UBR4: variants seen among roughly 807,000 people sequenced by gnomAD.
UBR4 encodes the protein ubiquitin protein ligase E3 component n-recognin 4, also known as E3 ubiquitin-protein ligase UBR4.
In UBR4, 124 loss-of-function variants were observed where a neutral mutation model predicts 575.6. The ratio of observed to expected loss-of-function variants is 0.22; its 90% CI spans 0.19 to 0.25. The LOEUF is 0.25. Ranked by LOEUF, UBR4 falls within the 10% of genes least tolerant of loss-of-function variation. UBR4 has a pLI of 1.00. For synonymous variants in UBR4, 2,455 were observed against 2,473.7 expected, an observed-to-expected ratio of 0.99 and a Z score of 0.22; for missense variants, 4,818 against 6,478.8, an observed-to-expected ratio of 0.74 and a Z score of 8.80.
rs762284453 is a variant in UBR4 at position 19,076,862 on chromosome 1, G to C, written c.15365C>G (p.Ser5122Cys). Residue 5122 changes from serine (S) to cysteine (C), a missense_variant, in exon 105 of 106, where the codon TCT (serine) becomes TGT (cysteine). Coordinates refer to ENST00000375254, the MANE Select transcript of UBR4 (RefSeq NM_020765.3). The part of the protein sequence containing the change: ...TSNTEGGWSC[S>C]LAEYIRHNDM... ...GTTGTGGCGGATGTACTCAGCGAGAGAGCAGGACCAGCCTCCCTCTGTGTT... is the reference window on the plus strand; with the variant it reads ...GTTGTGGCGGATGTACTCAGCGAGACAGCAGGACCAGCCTCCCTCTGTGTT... The C allele has an allele frequency of 1.9e-6, 3 of 1,605,456 alleles. No individual in the cohort carries two copies. Among genetic ancestry groups the C allele is most frequent in the Non-Finnish European group, 2.6e-6 (3 of 1,176,094 alleles).
At chr1:19,150,815 T>G in intron 48 of UBR4, 22 bp from the exon 49 acceptor site, 1 of 1,611,288 alleles carries the variant, frequency 6.2e-7, no homozygotes, top group South Asian at 1.1e-5. Flanking sequence ...AAGAGAGGCC[T>G]TTAGGAAGCA....
chr1:19,171,961 C>A (rs1230782618), intron 25 of UBR4, among the ~76,000 whole-genome samples: 1 of 152,206 alleles, frequency 6.6e-6, no homozygotes, highest in African/African-American at 2.4e-5. Context: ...TAATTCTCAG[C>A]TCCAGTCTGT....
intron 70 of UBR4, among the ~76,000 whole-genome samples, chr1:19,119,333 C>G (rs929555333): frequency 6.6e-6 from 1 of 152,248 alleles, no homozygotes; most frequent in East Asian, 1.9e-4. Flanking sequence ...TCTTTCCCCA[C>G]CTGACCTTGA....
rs769158944 is a variant in UBR4 at position 19,112,715 on chromosome 1, G to T, written c.11610C>A (p.Thr3870=). The T allele has an allele frequency of 2.1e-5, 34 of 1,614,138 alleles. No individual in the cohort carries two copies. Among genetic ancestry groups the T allele is most frequent in the Non-Finnish European group, 2.6e-5 (31 of 1,180,052 alleles). ...SVLGCGHTSS[T]KCYGCASAVT... is the part of the protein sequence containing the mutation. ...CAGCCGAGGCGCAGCCATAGCACTTGGTGGAGGATGTGTGGCCACAGCCCA... is the reference window on the plus strand; with the variant it reads ...CAGCCGAGGCGCAGCCATAGCACTTTGTGGAGGATGTGTGGCCACAGCCCA... The change falls in exon 78 of 106, where the codon ACC becomes ACA. Residue 3870 remains threonine (T), a synonymous_variant. Coordinates refer to ENST00000375254, the MANE Select transcript of UBR4 (RefSeq NM_020765.3).
chr1:19,164,584 C>T (rs939698700), intron 32 of UBR4, 143 bp from the exon 33 acceptor site: 4 of 1,154,940 alleles, frequency 3.5e-6, no homozygotes, highest in Admixed American at 2.7e-5. Context: ...GAGCATAAAA[C>T]ATTCATTCAG....
intron 78 of UBR4, chr1:19,111,732 T>C (rs922328046): frequency 4.6e-5 from 7 of 152,216 alleles, no homozygotes; most frequent in Admixed American, 2.6e-4. Context: ...GCGATTCTCC[T>C]GTCTCAGCCT....
chr1:19,191,465 T>C (rs1260085616), intron 11 of UBR4, among the ~76,000 whole-genome samples: 1 of 152,118 alleles, frequency 6.6e-6, no homozygotes, highest in Admixed American at 6.6e-5. Context: ...AGGGAGACTA[T>C]GTCTCAAAAA....
chr1:19,083,978 GA>G (rs1286157816), intron 102 of UBR4, among the ~76,000 whole-genome samples: 1 of 152,192 alleles, frequency 6.6e-6, no homozygotes, highest in African/African-American at 2.4e-5. Flanking sequence ...ACACTTGCCA[GA>G]AGCATTACCC....
chr1:19,153,783 A>C lies in UBR4; in HGVS notation c.6615T>G (p.Leu2205=). 1 of 1,614,020 alleles carries C rather than the reference A, an allele frequency of 6.2e-7. No individual in the cohort carries two copies. Among genetic ancestry groups the C allele is most frequent in the African/African-American group, 1.3e-5 (1 of 75,068 alleles). ...TGGCACTGACCTTCGCTTTAGCAGG[A>C]AGAGTCTTAATCTCCTGGATAAGAA... ...DTFLIQEIKT[L]PAKAKIQDMV... is the part of the protein sequence containing the mutation. The change falls in exon 45 of 106, where the codon CTT becomes CTG. Residue 2205 remains leucine (L), a synonymous_variant. Transcript: ENST00000375254. This position sits in a 1 kb window ranked among gnomAD's most constrained non-coding sequence, Gnocchi z 4.1.
In UBR4 at chr1:19,093,821, T is replaced by A; in HGVS notation, c.13937+128A>T. On this transcript the variant is annotated intron_variant, in intron 95 of 105. Transcript: ENST00000375254. This position sits in a 1 kb window ranked among gnomAD's most constrained non-coding sequence, Gnocchi z 4.8. The stretch of plus-strand genomic sequence containing the variant: ...TATTCACTTCCCAACTAGACTGAGC[T>A]CCTTAAAAGCCAGAACGAGGACACA... 1 of 1,093,466 alleles carries A rather than the reference T, an allele frequency of 9.1e-7. No homozygotes were observed. Among genetic ancestry groups the A allele is most frequent in the Non-Finnish European group, 1.3e-6 (1 of 774,936 alleles). The allele number at this position is 1,093,466 out of a possible 1,614,324, so 67.7% of individuals were successfully genotyped here.
rs1050814983 is a variant in UBR4 at position 19,117,619 on chromosome 1, C to G, written c.10629+204G>C. Reference sequence around the variant, plus strand: ...TCAGGGGATCCTCCCATCTTAGCCTCCCAAAGTACTGGGATTATAGGCTTG... The same window carrying G: ...TCAGGGGATCCTCCCATCTTAGCCTGCCAAAGTACTGGGATTATAGGCTTG... On this transcript the variant is annotated intron_variant, in intron 72 of 105. Transcript: ENST00000375254. This position sits in a 1 kb window ranked among gnomAD's most constrained non-coding sequence, Gnocchi z 4.0. 1.3e-5 allele frequency among the ~76,000 whole-genome samples: 2 copies of G among 152,234 alleles called. No homozygotes were observed. The highest frequency in any genetic ancestry group is 1.3e-4 in the Admixed American group (2 of 15,290).
chr1:19,182,095 T>A (rs1459790522), intron 17 of UBR4, among the ~76,000 whole-genome samples: 2 of 152,214 alleles, frequency 1.3e-5, no homozygotes, highest in Non-Finnish European at 2.9e-5. Context: ...TAGTATCATG[T>A]CTTTACGGTT....
intron 52 of UBR4, 95 bp from the exon 53 acceptor site, chr1:19,146,028 G>A (rs2084815310): frequency 1.3e-6 from 2 of 1,599,008 alleles, no homozygotes; most frequent in Admixed American, 1.7e-5. Flanking sequence ...CTTGCCTGGG[G>A]AGGGAGTTTC....
intron 48 of UBR4, 74 bp downstream of exon 48, chr1:19,151,569 C>T (rs1405539299): frequency 6.8e-7 from 1 of 1,475,630 alleles, no homozygotes; most frequent in East Asian, 2.3e-5. Flanking sequence ...GAATGTTGGA[C>T]AGCCACAGGC....
intron 25 of UBR4, among the ~76,000 whole-genome samples, 188 bp downstream of exon 25, chr1:19,172,676 C>T (rs1398855268): frequency 6.6e-6 from 1 of 152,172 alleles, no homozygotes; most frequent in African/African-American, 2.4e-5. Flanking sequence ...AAACTTCCTC[C>T]TGACTCCTCC....
intron 64 of UBR4, 150 bp from the exon 65 acceptor site, chr1:19,124,840 T>A: frequency 3.8e-6 from 4 of 1,058,036 alleles, no homozygotes; most frequent in Non-Finnish European, 5.4e-6. Context: ...GACAGTTTAT[T>A]CTATAAACCC....
Position 19,184,037 on chromosome 1 carries a change from C to T in UBR4, c.2077G>A (p.Val693Met). The T allele has an allele frequency of 6.2e-7, 1 of 1,614,140 alleles. No individual in the cohort carries two copies. Among genetic ancestry groups the T allele is most frequent in the South Asian group, 1.1e-5 (1 of 91,078 alleles). Residue 693 changes from valine to methionine, a missense_variant, in exon 16 of 106, where the codon GTG becomes ATG. Val to Met is a conservative substitution (Grantham distance 21). Around this residue, in one of 29 missense-constraint regions of UBR4, gnomAD observed 1,172 missense variants for 1,259.7 expected, o/e 0.93. Transcript: ENST00000375254. ...TGACCCTTGAGTCCATCTTTGTCCA[C>T]CTCCTTGATGATACTGGCTAGGGTG... The part of the protein sequence containing the change: ...MATLASIIKE[V>M]DKDGLKGSSD...
chr1:19,128,441 T>A (rs2082055629), intron 61 of UBR4, 123 bp from the exon 62 acceptor site: 1 of 811,786 alleles, frequency 1.2e-6, no homozygotes, highest in African/African-American at 1.7e-5. Flanking sequence ...CTGTAATCCA[T>A]TATAGCGTTC....
At chr1:19,161,194 A>T in intron 37 of UBR4, 47 bp from the exon 38 acceptor site, 1 of 1,568,274 alleles carries the variant, frequency 6.4e-7, no homozygotes. Flanking sequence ...CCTCAAGCAC[A>T]GAGGAAATAC....
Sources: allele counts gnomAD v4.1 joint callset (sites outside exome capture counted in the v4.1 genomes callset), GRCh38; gene constraint gnomAD v4.1.1; regional missense constraint gnomAD v4.1.1; non-coding constraint Gnocchi (gnomAD v3.1); transcripts MANE v1.5; gene names NCBI Gene and HGNC (gene_info 2026-07-23, HGNC 2026-07-21).